SEMA5B: variants seen among roughly 807,000 people sequenced by gnomAD.
The protein encoded by SEMA5B is semaphorin-5B.
SEMA5B carries 66 observed loss-of-function variants against 135.0 expected under a neutral mutation model. The observed-to-expected ratio is 0.49, with a 90% CI of 0.40 to 0.60. SEMA5B has a LOEUF of 0.60. Among genes scored for constraint, SEMA5B ranks in the 20% least tolerant of loss-of-function variants. SEMA5B has a pLI of 0.00. For synonymous variants in SEMA5B, 690 were observed against 639.5 expected (o/e 1.08, Z -1.19); for missense variants, 1,501 against 1,566.3 (o/e 0.96, Z 0.70).
intron 1 of SEMA5B, among the ~76,000 whole-genome samples, chr3:122,989,576 C>T (rs1230288644): frequency 1.3e-5 from 2 of 152,184 alleles, no homozygotes; most frequent in African/African-American, 2.4e-5. Flanking sequence ...TTGGGTAATC[C>T]TCATGTCACT....
intron 1 of SEMA5B, among the ~76,000 whole-genome samples, chr3:123,016,037 A>G (rs1942546791): frequency 6.6e-6 from 1 of 152,226 alleles, no homozygotes; most frequent in South Asian, 2.1e-4. Flanking sequence ...GGAGGGAAGA[A>G]CCTGCTCATG....
chr3:122,947,386 C>A (rs1247355384), intron 3 of SEMA5B, among the ~76,000 whole-genome samples: 1 of 152,196 alleles, frequency 6.6e-6, no homozygotes, highest in Non-Finnish European at 1.5e-5. Flanking sequence ...CACCCTTCCA[C>A]AACACCCCCA....
rs73195644 is a variant in SEMA5B at position 123,015,296 on chromosome 3, G to A, written c.-39+12168C>T. Among the ~76,000 whole-genome samples the A allele has an allele frequency of 7.8e-3, 1,189 of 152,316 alleles. 6 individuals are homozygous for A. The highest frequency in any genetic ancestry group is 0.017 in the Middle Eastern group (5 of 294). The stretch of plus-strand genomic sequence containing the variant: ...AAATTGGGAAGATGTGGCTGAGTGC[G>A]TTATGTTAAAGAGACCCTGGGGTGC... On this transcript the variant is annotated intron_variant, in intron 1 of 22. Transcript: ENST00000357599.
At chr3:123,013,251 G>T (rs1425033354) in intron 1 of SEMA5B, among the ~76,000 whole-genome samples, 2 of 152,156 alleles carry the variant, frequency 1.3e-5, no homozygotes, top group Non-Finnish European at 2.9e-5. Context: ...AATTTCATGA[G>T]CTAAAACACA....
chr3:122,910,065 A>G lies in SEMA5B; in HGVS notation c.*78T>C. 1.3e-6 allele frequency: 2 copies of G among 1,505,278 alleles called. No homozygotes were observed. The highest frequency in any genetic ancestry group is 4.6e-5 in the East Asian group (2 of 43,540). 93.2% of individuals were successfully genotyped at this position (1,505,278 alleles called of 1,614,324 possible). Reference sequence around the variant, plus strand: ...TGGCCTAGTGCAGAGGGAGAAAACCAAACTGGCTCCACTGTCCCATCTCCA... The same window carrying G: ...TGGCCTAGTGCAGAGGGAGAAAACCGAACTGGCTCCACTGTCCCATCTCCA... On this transcript the variant is annotated 3_prime_UTR_variant, in exon 23 of 23. Transcript: ENST00000357599.
intron 2 of SEMA5B, among the ~76,000 whole-genome samples, chr3:122,957,932 T>A (rs886512481): frequency 3.1e-4 from 47 of 152,232 alleles, no homozygotes; most frequent in African/African-American, 1.1e-3. Flanking sequence ...GTTTTCTGAG[T>A]TGGCTTCCTT....
upstream of SEMA5B, among the ~76,000 whole-genome samples, chr3:123,028,191 C>T (rs994218445): frequency 6.6e-6 from 1 of 152,208 alleles, no homozygotes; most frequent in Non-Finnish European, 1.5e-5. Context: ...AAACCCCACT[C>T]CGGACTCCCA....
chr3:123,010,808 CAAAAAA>C (rs138507516), intron 1 of SEMA5B, among the ~76,000 whole-genome samples: 1 of 63,458 alleles, frequency 1.6e-5, no homozygotes, highest in African/African-American at 4.6e-5. Context: ...GTCTCCATCT[CAAAAAA>C]AAAAAAAAAA....
At chr3:122,937,670 C>CATAAGCT (rs1939358505) in intron 5 of SEMA5B, among the ~76,000 whole-genome samples, 1 of 152,144 alleles carries the variant, frequency 6.6e-6, no homozygotes, top group Non-Finnish European at 1.5e-5. Flanking sequence ...TATGGGCTGC[C>CATAAGCT]ATAAGCTACC....
intron 5 of SEMA5B, among the ~76,000 whole-genome samples, chr3:122,930,081 GA>G (rs920795154): frequency 3.9e-4 from 60 of 152,068 alleles, no homozygotes; most frequent in African/African-American, 1.3e-3. Context: ...ATGGGGAGGG[GA>G]AAAAAAAGAG....
At chr3:122,991,742 G>T (rs796369221) in intron 1 of SEMA5B, among the ~76,000 whole-genome samples, 55 of 152,060 alleles carry the variant, frequency 3.6e-4, no homozygotes, top group African/African-American at 1.3e-3. Context: ...GTGGGGGTGG[G>T]GGTGCACCAG....
At chr3:123,010,594 A>C (rs1185574951) in intron 1 of SEMA5B, among the ~76,000 whole-genome samples, 1 of 152,034 alleles carries the variant, frequency 6.6e-6, no homozygotes, top group Non-Finnish European at 1.5e-5. Flanking sequence ...GCAGATCACA[A>C]GGTCAAGACA....
At chr3:122,983,686 C>G (rs1211914725) in intron 1 of SEMA5B, among the ~76,000 whole-genome samples, 1 of 130,026 alleles carries the variant, frequency 7.7e-6, no homozygotes, top group Non-Finnish European at 1.6e-5. Flanking sequence ...CCACTGCACT[C>G]CAGCCTGGGC....
chr3:122,965,272 T>A (rs1009963064), intron 1 of SEMA5B, among the ~76,000 whole-genome samples: 2 of 152,212 alleles, frequency 1.3e-5, no homozygotes, highest in Non-Finnish European at 2.9e-5. Flanking sequence ...TTGTCTTCGA[T>A]AATAAACTCC....
chr3:123,008,125 A>G lies in SEMA5B; in HGVS notation c.-39+19339T>C, dbSNP rs115449660. 5.5e-3 allele frequency among the ~76,000 whole-genome samples: 839 copies of G among 152,370 alleles called. 4 individuals carry two copies. Among genetic ancestry groups the G allele is most frequent in the African/African-American group, 0.019 (786 of 41,584 alleles). Reference sequence around the variant, plus strand: ...AATAAGTCTGTTATGTCGAGACAGAACTGTCCTACAGGACAATAACACCAT... The same window carrying G: ...AATAAGTCTGTTATGTCGAGACAGAGCTGTCCTACAGGACAATAACACCAT... On this transcript the variant is annotated intron_variant, in intron 1 of 22. Transcript: ENST00000357599.
At chr3:122,947,147 A>C (rs1560344058) in intron 3 of SEMA5B, among the ~76,000 whole-genome samples, 1 of 152,142 alleles carries the variant, frequency 6.6e-6, no homozygotes, top group Non-Finnish European at 1.5e-5. Context: ...TAGCCCTAAG[A>C]ATCCACTCCT....
intron 2 of SEMA5B, among the ~76,000 whole-genome samples, chr3:122,956,084 C>T (rs1462953465): frequency 6.6e-6 from 1 of 152,252 alleles, no homozygotes; most frequent in Non-Finnish European, 1.5e-5. Context: ...AGTGCCTTGC[C>T]CTGCCTCGGG....
At chr3:122,988,783 G>T (rs955225358) in intron 1 of SEMA5B, among the ~76,000 whole-genome samples, 2 of 152,258 alleles carry the variant, frequency 1.3e-5, no homozygotes, top group African/African-American at 2.4e-5. Flanking sequence ...TCTCATGCCC[G>T]TGAGGGCTAC....
Position 122,930,009 on chromosome 3 carries a change from A to G in SEMA5B, c.475-951T>C, listed in dbSNP as rs1005529257. Among the ~76,000 whole-genome samples the G allele has an allele frequency of 2.0e-5, 3 of 152,352 alleles. No individual in the cohort carries two copies. The East Asian group carries it at 5.8e-4, about 29-fold the overall frequency. On this transcript the variant is annotated intron_variant, in intron 5 of 22. Coordinates refer to ENST00000357599, the MANE Select transcript of SEMA5B (RefSeq NM_001031702.4). ...TTATATATTTCTGGGTCACGTGTAT[A>G]AACATGAACTGCCTATCTGTCCTGG...
Sources: gnomAD v4.1 joint callset for allele counts (sites outside exome capture counted in the v4.1 genomes callset) on GRCh38, gnomAD v4.1.1 for gene constraint, MANE v1.5 for transcripts, NCBI Gene and HGNC (gene_info 2026-07-23, HGNC 2026-07-21) for gene names.